ALDH18A1: variants seen among roughly 807,000 people sequenced by gnomAD.
ALDH18A1 encodes the protein aldehyde dehydrogenase 18 family member A1, also known as delta-1-pyrroline-5-carboxylate synthase.
A neutral mutation model predicts 88.8 loss-of-function variants in ALDH18A1; 44 were observed. That is an observed-to-expected ratio of 0.50 (90% confidence interval 0.39 to 0.64). The LOEUF is 0.64. Ranked by LOEUF, ALDH18A1 falls within the 30% of genes least tolerant of loss-of-function variation. ALDH18A1 has a pLI of 0.00. For synonymous variants in ALDH18A1, 331 were observed against 372.1 expected (o/e 0.89, Z 1.27); for missense variants, 782 against 1,009.5 (o/e 0.77, Z 3.05).
At chr10:95,612,815 A>C (rs2097837642) in intron 15 of ALDH18A1, among the ~76,000 whole-genome samples, 1 of 152,194 alleles carries the variant, frequency 6.6e-6, no homozygotes, top group African/African-American at 2.4e-5. Flanking sequence ...AGGCTTCCTT[A>C]CCAAAGTAAA....
chr10:95,638,561 G>A (rs1323837091), intron 3 of ALDH18A1, among the ~76,000 whole-genome samples: 1 of 152,164 alleles, frequency 6.6e-6, no homozygotes, highest in East Asian at 1.9e-4. Flanking sequence ...ATGCAACGCA[G>A]ACTCAGTAGA....
intron 12 of ALDH18A1, among the ~76,000 whole-genome samples, chr10:95,617,047 T>C (rs186247538): frequency 2.6e-4 from 39 of 152,210 alleles, no homozygotes; most frequent in Non-Finnish European, 4.9e-4. Flanking sequence ...AGGAGTTCGA[T>C]ACCAGCCTGA....
intron 7 of ALDH18A1, among the ~76,000 whole-genome samples, chr10:95,631,271 T>G (rs144801845): frequency 6.6e-6 from 1 of 152,166 alleles, no homozygotes; most frequent in African/African-American, 2.4e-5. Context: ...GGTACCCAGA[T>G]AGCCTAGACT....
intron 7 of ALDH18A1, 175 bp from the exon 8 acceptor site, chr10:95,628,667 C>A: frequency 1.5e-6 from 1 of 685,328 alleles, no homozygotes; most frequent in Non-Finnish European, 2.5e-6. Context: ...ACAAACATCT[C>A]CAGGAAGACT....
chr10:95,648,629 GT>G (rs1393751108), intron 2 of ALDH18A1, among the ~76,000 whole-genome samples: 1 of 152,170 alleles, frequency 6.6e-6, no homozygotes, highest in Non-Finnish European at 1.5e-5. Context: ...TAAATTCTGA[GT>G]TTACATCTCA....
At chr10:95,622,466 T>G (rs2097854252) in intron 11 of ALDH18A1, among the ~76,000 whole-genome samples, 1 of 152,092 alleles carries the variant, frequency 6.6e-6, no homozygotes. Context: ...CTTCCCAAAG[T>G]GCTGGGATTA....
chr10:95,610,158 AC>A, intron 17 of ALDH18A1, 38 bp downstream of exon 17: 2 of 1,597,072 alleles, frequency 1.3e-6, no homozygotes, highest in Non-Finnish European at 1.7e-6. Flanking sequence ...ACAGTGCTTC[AC>A]AAGGAACTTC....
intron 2 of ALDH18A1, among the ~76,000 whole-genome samples, chr10:95,649,399 GGCTAGAGTGCAGTGGC>G (rs1347381956): frequency 1.4e-5 from 2 of 141,278 alleles, no homozygotes; most frequent in African/African-American, 5.3e-5. Flanking sequence ...CTGTCACCCA[GGCTAGAGTGCAGTGGC>G]GCTATCTTGG....
At chr10:95,646,982 T>A (rs1353333160) in intron 2 of ALDH18A1, among the ~76,000 whole-genome samples, 2 of 152,230 alleles carry the variant, frequency 1.3e-5, no homozygotes, top group African/African-American at 4.8e-5. Context: ...CAGACATGAC[T>A]ACTCTTTTTC....
rs376825293 is a variant in ALDH18A1, at chr10:95,649,351, ATTTT to A, written c.88+3935_88+3938del. On this transcript the variant is annotated intron_variant, in intron 2 of 17. Transcript: ENST00000371224. ...AGCAACATAGACTCCATTTTTACAGATTTTTTTTTTTTTTTTTTTTTGAAACGGA... is the reference window on the plus strand; with the variant it reads ...AGCAACATAGACTCCATTTTTACAGATTTTTTTTTTTTTTTTTGAAACGGA... 2.3e-5 allele frequency among the ~76,000 whole-genome samples: 3 copies of A among 131,078 alleles called. No homozygotes were observed. The East Asian group carries it at 6.6e-4, about 29-fold the overall frequency. 86.0% of individuals were successfully genotyped at this position (131,078 alleles called of 152,430 possible).
At chr10:95,611,150 A>G (rs1170287555) in intron 16 of ALDH18A1, 106 bp downstream of exon 16, 3 of 1,333,350 alleles carry the variant, frequency 2.2e-6, no homozygotes, top group Non-Finnish European at 3.2e-6. Context: ...CATTACCATA[A>G]GCCTACTCAA....
chr10:95,620,337 G>C (rs1001676323), intron 12 of ALDH18A1, among the ~76,000 whole-genome samples: 2 of 152,328 alleles, frequency 1.3e-5, no homozygotes, highest in African/African-American at 4.8e-5. Context: ...GTTGGTGGGA[G>C]TGTAAACTAG....
At chr10:95,613,218 T>C (rs548177468) in intron 15 of ALDH18A1, among the ~76,000 whole-genome samples, 15 of 152,370 alleles carry the variant, frequency 9.8e-5, no homozygotes, top group African/African-American at 1.4e-4. Context: ...TACTGGCTTT[T>C]GGTTTGTTTA....
rs1566004041 is a variant in ALDH18A1 at position 95,617,460 on chromosome 10, A to G, written c.1468-846T>C. Among the ~76,000 whole-genome samples, 4 of 152,172 alleles carry G rather than the reference A, an allele frequency of 2.6e-5. No homozygotes were observed. The South Asian group carries it at 6.2e-4, about 24-fold the overall frequency. ...GCTTGGTGCTAAGAACCTGGAGAAG[A>G]CCAGAGCTCCTGCCAGCCCCTGGGC... On this transcript the variant is annotated intron_variant, in intron 12 of 17. Transcript: ENST00000371224.
chr10:95,617,786 T>C (rs2139556841), intron 12 of ALDH18A1, among the ~76,000 whole-genome samples: 1 of 152,236 alleles, frequency 6.6e-6, no homozygotes, highest in Middle Eastern at 3.4e-3. Flanking sequence ...AGGTATCAGC[T>C]GGTATGGATG....
chr10:95,630,495 G>A (rs1284810335), intron 7 of ALDH18A1, among the ~76,000 whole-genome samples: 5 of 152,294 alleles, frequency 3.3e-5, no homozygotes, highest in East Asian at 3.9e-4. Context: ...GGAGGATCAC[G>A]AGGTGAGGAG....
chr10:95,629,813 G>C lies in ALDH18A1; in HGVS notation c.809-1321C>G, dbSNP rs557644451. Among the ~76,000 whole-genome samples the C allele has an allele frequency of 3.9e-5, 6 of 152,134 alleles. No homozygotes were observed. In the South Asian group the frequency reaches 1.2e-3, roughly 32 times the overall value. ...CAACACTCAGTAGAAAATGAATTAG[G>C]ATAATCACAATAAGAATGCCAGTCT... On this transcript the variant is annotated intron_variant, in intron 7 of 17. Transcript: ENST00000371224.
At position 95,606,152 on chromosome 10, in the gene ALDH18A1, G is replaced by T; in HGVS notation, c.*610C>A. On this transcript the variant is annotated 3_prime_UTR_variant, in exon 18 of 18. Transcript: ENST00000371224. ...GCAGCTTGGGTTCCAGCTGCATCAC[G>T]GGGAACACAGCATCTCCTGGATGCA... 1.3e-6 allele frequency: 1 copy of T among 744,014 alleles called. No individual in the cohort carries two copies. The highest frequency in any genetic ancestry group is 1.6e-6 in the Non-Finnish European group (1 of 609,068). 46.1% of individuals were successfully genotyped at this position (744,014 alleles called of 1,614,324 possible).
At chr10:95,625,251 C>G (rs1402801799) in intron 11 of ALDH18A1, 111 bp downstream of exon 11, 4 of 947,508 alleles carry the variant, frequency 4.2e-6, no homozygotes, top group Admixed American at 3.4e-5. Flanking sequence ...TGTACAATTT[C>G]TTTTATAAAA....
Sources: allele counts gnomAD v4.1 joint callset (sites outside exome capture counted in the v4.1 genomes callset), GRCh38; gene constraint gnomAD v4.1.1; transcripts MANE v1.5; gene names NCBI Gene and HGNC (gene_info 2026-07-23, HGNC 2026-07-21).